Variants in ATP2A2 observed in about 807,000 individuals in gnomAD.
ATP2A2 encodes the protein ATPase sarcoplasmic/endoplasmic reticulum Ca2+ transporting 2.
In ATP2A2, 14 loss-of-function variants were observed where a neutral mutation model predicts 109.3. That is an observed-to-expected ratio of 0.13 (90% confidence interval 0.08 to 0.20). The LOEUF is 0.20. ATP2A2 is among the 10% of genes least tolerant of loss of function. The pLI, the probability that ATP2A2 is intolerant of heterozygous loss-of-function variation, is 1.00. For synonymous variants in ATP2A2, 506 were observed against 490.9 expected, an observed-to-expected ratio of 1.03 and a Z score of -0.41; for missense variants, 657 against 1,321.6, an observed-to-expected ratio of 0.50 and a Z score of 7.80.
intron 5 of ATP2A2, among the ~76,000 whole-genome samples, chr12:110,313,310 C>CTT (rs748790705): frequency 0.011 from 1,283 of 113,162 alleles, 29 homozygotes; most frequent in African/African-American, 0.016. Context: ...ACCACCTTTC[C>CTT]TTTTTTTTTT....
Position 110,292,096 on chromosome 12 carries a change from T to C in ATP2A2, c.296T>C (p.Val99Ala), listed in dbSNP as rs776315560. Residue 99 changes from valine (V) to alanine (A), a missense_variant, in exon 4 of 20, where the codon GTA becomes GCA. Val to Ala is a moderately conservative substitution (Grantham distance 64, BLOSUM62 0). Transcript: ENST00000539276. ...VEPFVILLILVANAIVGVWQE... is the reference protein window; with the variant it reads ...VEPFVILLILAANAIVGVWQE... The stretch of plus-strand genomic sequence containing the variant: ...CCTTTTGTAATTTTACTCATATTAG[T>C]AGCCAATGCAATTGTGGGTGTATGG... The C allele has an allele frequency of 6.2e-7, 1 of 1,614,190 alleles. No homozygotes were observed. Among genetic ancestry groups the C allele is most frequent in the Admixed American group, 1.7e-5 (1 of 60,020 alleles).
At chr12:110,314,004 T>A (rs1876388744) in intron 5 of ATP2A2, among the ~76,000 whole-genome samples, 1 of 147,878 alleles carries the variant, frequency 6.8e-6, no homozygotes, top group African/African-American at 2.5e-5. Flanking sequence ...CATGAGCCAC[T>A]GTGCCCGGCC....
intron 8 of ATP2A2, chr12:110,332,378 G>A: frequency 3.5e-6 from 2 of 569,744 alleles, no homozygotes; most frequent in Admixed American, 2.8e-5. Context: ...TGTTCGATTG[G>A]TCGGGGGTGT....
chr12:110,315,863 C>T (rs1456083250), intron 5 of ATP2A2, among the ~76,000 whole-genome samples: 1 of 152,154 alleles, frequency 6.6e-6, no homozygotes, highest in East Asian at 1.9e-4. Context: ...TGCTTGAACC[C>T]AGGAGGCGGG....
In ATP2A2 at chr12:110,333,996, C is replaced by A. The variant is rs1426454458; in HGVS notation, c.1288-16C>A. 5.6e-6 allele frequency: 9 copies of A among 1,613,810 alleles called. No individual in the cohort carries two copies. Among genetic ancestry groups the A allele is most frequent in the African/African-American group, 1.3e-5 (1 of 74,878 alleles). ...TTCTCCCTTTTTTCTACTTTCTGTGCCTTTAACCAATACAGGCAAAGGGTG... is the reference window on the plus strand; with the variant it reads ...TTCTCCCTTTTTTCTACTTTCTGTGACTTTAACCAATACAGGCAAAGGGTG... On this transcript the variant is annotated splice_polypyrimidine_tract_variant and intron_variant, in intron 10 of 19. Coordinates refer to ENST00000539276, the MANE Select transcript of ATP2A2 (RefSeq NM_170665.4).
At chr12:110,328,288 AG>A (rs1304993794) in intron 8 of ATP2A2, among the ~76,000 whole-genome samples, 1 of 151,282 alleles carries the variant, frequency 6.6e-6, no homozygotes, top group Non-Finnish European at 1.5e-5. Context: ...AAAAAAAAAA[AG>A]CCTGGGCGCA....
chr12:110,336,017 A>G (rs560105942), intron 11 of ATP2A2, among the ~76,000 whole-genome samples: 1 of 152,354 alleles, frequency 6.6e-6, no homozygotes, highest in African/African-American at 2.4e-5. Context: ...ATGGTCCTCT[A>G]ATAGGTCCAC....
intron 3 of ATP2A2, among the ~76,000 whole-genome samples, chr12:110,286,963 A>G (rs949229512): frequency 9.2e-5 from 14 of 152,092 alleles, no homozygotes; most frequent in African/African-American, 3.4e-4. Flanking sequence ...AATTTGCTTT[A>G]TTTGGCCGGG....
chr12:110,291,981 C>T, intron 3 of ATP2A2, 39 bp from the exon 4 acceptor site: 1 of 1,558,982 alleles, frequency 6.4e-7, no homozygotes, highest in South Asian at 1.1e-5. Context: ...TGACATTAAG[C>T]CTAAAAAGAC....
intron 5 of ATP2A2, among the ~76,000 whole-genome samples, chr12:110,300,003 G>A (rs1390367813): frequency 2.0e-5 from 3 of 151,796 alleles, no homozygotes; most frequent in Non-Finnish European, 4.4e-5. Context: ...TGGTCCGCCC[G>A]CCTCAGCCTC....
rs557129796 is a variant in ATP2A2 at position 110,332,589 on chromosome 12, C to T, written c.1096-8C>T. ...TTTTAAATACTCTGATGCGCTCTCC[C>T]CCTACAGATGTTCATTCTGGACAGA... On this transcript the variant is annotated splice_region_variant and splice_polypyrimidine_tract_variant and intron_variant, in intron 8 of 19. Coordinates refer to ENST00000539276, the MANE Select transcript of ATP2A2 (RefSeq NM_170665.4). 2 of 1,604,498 alleles carry T rather than the reference C, an allele frequency of 1.2e-6. No individual in the cohort carries two copies. The highest frequency in any genetic ancestry group is 1.7e-5 in the Admixed American group (1 of 60,006).
chr12:110,306,658 T>C (rs1875369188), intron 5 of ATP2A2, among the ~76,000 whole-genome samples: 1 of 152,250 alleles, frequency 6.6e-6, no homozygotes, highest in Non-Finnish European at 1.5e-5. Flanking sequence ...AGTCTCTGGC[T>C]GCATCCATTT....
intron 5 of ATP2A2, among the ~76,000 whole-genome samples, chr12:110,306,026 ATATT>A (rs1376860302): frequency 4.0e-5 from 6 of 151,676 alleles, no homozygotes; most frequent in Non-Finnish European, 7.4e-5. Context: ...CCTATTGGTG[ATATT>A]TATTTATTTA....
At chr12:110,299,250 C>T (rs1048825030) in intron 5 of ATP2A2, among the ~76,000 whole-genome samples, 4 of 151,904 alleles carry the variant, frequency 2.6e-5, no homozygotes, top group African/African-American at 7.3e-5. Flanking sequence ...GGATTACAGA[C>T]GTGAGCCCAC....
intron 5 of ATP2A2, among the ~76,000 whole-genome samples, chr12:110,316,055 C>G (rs983573001): frequency 6.6e-6 from 1 of 152,188 alleles, no homozygotes; most frequent in African/African-American, 2.4e-5. Flanking sequence ...CCACTGCACT[C>G]CAGCCTGGGC....
In ATP2A2 at chr12:110,349,214, C is replaced by A; in HGVS notation, c.*2744C>A. On this transcript the variant is annotated 3_prime_UTR_variant, in exon 20 of 20. Coordinates refer to ENST00000539276, the MANE Select transcript of ATP2A2 (RefSeq NM_170665.4). ...CTTCAGCATCTCCTCCTCAGGTCAACCCATAAAGACCAGGTCCAGCACCGT... is the reference window on the plus strand; with the variant it reads ...CTTCAGCATCTCCTCCTCAGGTCAAACCATAAAGACCAGGTCCAGCACCGT... The A allele has an allele frequency of 1.0e-6, 1 of 985,524 alleles. No homozygotes were observed. Among genetic ancestry groups the A allele is most frequent in the Non-Finnish European group, 1.2e-6 (1 of 829,978 alleles). 61.0% of individuals were successfully genotyped at this position (985,524 alleles called of 1,614,324 possible).
intron 5 of ATP2A2, among the ~76,000 whole-genome samples, chr12:110,305,404 C>G (rs1161418588): frequency 6.6e-6 from 1 of 152,254 alleles, no homozygotes; most frequent in East Asian, 1.9e-4. Flanking sequence ...GACCTTGCCT[C>G]TTTAAAAACA....
chr12:110,313,452 A>G (rs1401741484), intron 5 of ATP2A2, among the ~76,000 whole-genome samples: 1 of 150,982 alleles, frequency 6.6e-6, no homozygotes, highest in Admixed American at 6.6e-5. Context: ...AGCTGTGACT[A>G]CAGGCACCCA....
rs983088888 is a variant in ATP2A2, at chr12:110,347,578, A to G, written c.*1108A>G. The G allele has an allele frequency of 2.5e-5, 31 of 1,252,598 alleles. No individual in the cohort carries two copies. The highest frequency in any genetic ancestry group is 2.3e-4 in the Middle Eastern group (1 of 4,360). The allele number at this position is 1,252,598 out of a possible 1,614,324, so 77.6% of individuals were successfully genotyped here. On this transcript the variant is annotated 3_prime_UTR_variant, in exon 20 of 20. Coordinates refer to ENST00000539276, the MANE Select transcript of ATP2A2 (RefSeq NM_170665.4). Reference sequence around the variant, plus strand: ...TAAGGGCAAGTGTGTATGTGTGTGTATGTGTGTGTTTTGTAAAATCTGTAA... The same window carrying G: ...TAAGGGCAAGTGTGTATGTGTGTGTGTGTGTGTGTTTTGTAAAATCTGTAA...
Sources: allele counts gnomAD v4.1 joint callset (sites outside exome capture counted in the v4.1 genomes callset), GRCh38; gene constraint gnomAD v4.1.1; transcripts MANE v1.5; gene names NCBI Gene and HGNC (gene_info 2026-07-23, HGNC 2026-07-21).